IPO11: variants seen among roughly 807,000 people sequenced by gnomAD.
IPO11 encodes the protein importin-11.
A neutral mutation model predicts 143.2 loss-of-function variants in IPO11; 66 were observed. The observed-to-expected ratio is 0.46, with a 90% CI of 0.38 to 0.57. IPO11 has a LOEUF of 0.57. Among genes scored for constraint, IPO11 ranks in the 20% least tolerant of loss-of-function variants. The probability of loss-of-function intolerance (pLI) is 0.00; values close to 1 mark genes in which losing one functional copy is unlikely to be tolerated. For synonymous variants in IPO11, 385 were observed against 377.8 expected (o/e 1.02, Z -0.22); for missense variants, 1,026 against 1,141.0 (o/e 0.90, Z 1.45).
chr5:62,413,313 G>T (rs1743181661), intron 1 of IPO11: 1 of 152,212 alleles, frequency 6.6e-6, no homozygotes, highest in South Asian at 2.1e-4. Context: ...AGACCGTTGT[G>T]CATTGTTACT....
intron 16 of IPO11, among the ~76,000 whole-genome samples, chr5:62,498,715 C>T (rs1043664056): frequency 3.3e-5 from 5 of 152,086 alleles, no homozygotes; most frequent in Non-Finnish European, 7.4e-5. Context: ...ACTAAAGATA[C>T]AAAAATTAGC....
intron 26 of IPO11, among the ~76,000 whole-genome samples, chr5:62,556,090 T>G (rs372289880): frequency 6.6e-6 from 1 of 152,202 alleles, no homozygotes; most frequent in Non-Finnish European, 1.5e-5. Context: ...ACATTGATAT[T>G]TTTCTTTGGG....
At position 62,503,952 on chromosome 5, in the gene IPO11, T is replaced by C. The variant is rs368646972; in HGVS notation, c.1591-715T>C. 1.7e-4 allele frequency among the ~76,000 whole-genome samples: 26 copies of C among 152,318 alleles called. No homozygotes were observed. In the East Asian group the frequency reaches 4.8e-3, roughly 28 times the overall value. ...AGATATATTATCTCACAGATTGAAATATAGAATTTAGTCATGTCTTGAGCT... is the reference window on the plus strand; with the variant it reads ...AGATATATTATCTCACAGATTGAAACATAGAATTTAGTCATGTCTTGAGCT... On this transcript the variant is annotated intron_variant, in intron 16 of 29. Transcript: ENST00000325324.
rs1745257014 is a variant in IPO11 at position 62,458,832 on chromosome 5, C to T, written c.516+6899C>T. ...TGAACAGAAGAGATTTTGAATATAGCATGGTGCGTACTCTTCCTGTATTGA... is the reference window on the plus strand; with the variant it reads ...TGAACAGAAGAGATTTTGAATATAGTATGGTGCGTACTCTTCCTGTATTGA... On this transcript the variant is annotated intron_variant, in intron 5 of 29. Transcript: ENST00000325324. Among the ~76,000 whole-genome samples the T allele has an allele frequency of 2.6e-5, 4 of 152,294 alleles. No individual in the cohort carries two copies. In the South Asian group the frequency reaches 8.3e-4, roughly 32 times the overall value.
chr5:62,548,004 A>G (rs934061608), intron 24 of IPO11, among the ~76,000 whole-genome samples: 5 of 151,370 alleles, frequency 3.3e-5, no homozygotes, highest in Non-Finnish European at 7.4e-5. Flanking sequence ...TTTTGTATCT[A>G]TGTTCAGATC....
chr5:62,542,548 T>C (rs900671895), intron 24 of IPO11, among the ~76,000 whole-genome samples: 9 of 152,118 alleles, frequency 5.9e-5, no homozygotes, highest in Non-Finnish European at 1.2e-4. Flanking sequence ...TTAAATATAT[T>C]TTTTACTAAA....
intron 28 of IPO11, among the ~76,000 whole-genome samples, chr5:62,592,544 T>G (rs542379391): frequency 3.0e-4 from 45 of 152,188 alleles, no homozygotes; most frequent in Non-Finnish European, 5.3e-4. Flanking sequence ...TTTTTCTTTT[T>G]AAGTTAATGT....
At chr5:62,590,358 G>GT (rs781757219) in intron 27 of IPO11, among the ~76,000 whole-genome samples, 5 of 152,100 alleles carry the variant, frequency 3.3e-5, no homozygotes, top group Non-Finnish European at 7.4e-5. Context: ...GATGATATAA[G>GT]CAGATAAATA....
chr5:62,536,915 C>T (rs1199583525), intron 23 of IPO11, 134 bp downstream of exon 23: 2 of 1,036,164 alleles, frequency 1.9e-6, no homozygotes, highest in Non-Finnish European at 1.3e-6. Context: ...TGACTGTGAG[C>T]ATTTCCCATT....
At chr5:62,472,200 A>G (rs1188750316) in intron 7 of IPO11, among the ~76,000 whole-genome samples, 1 of 152,200 alleles carries the variant, frequency 6.6e-6, no homozygotes, top group Non-Finnish European at 1.5e-5. Context: ...TAATGAATAA[A>G]TCCTTTATGG....
intron 2 of IPO11, among the ~76,000 whole-genome samples, chr5:62,440,344 G>A (rs1398618057): frequency 2.7e-5 from 4 of 146,018 alleles, no homozygotes; most frequent in South Asian, 2.2e-4. Context: ...TATAGTGTAC[G>A]TCCCCTTTTT....
At position 62,561,116 on chromosome 5, in the gene IPO11, G is replaced by C. The variant is rs1349814495; in HGVS notation, c.2461-20G>C. On this transcript the variant is annotated intron_variant, in intron 26 of 29. Transcript: ENST00000325324. ...AAACATATTTTAGGTATTTTGAGAT[G>C]CCTCCTCCTCTTGTTTCAGATGGAC... 2 of 1,588,764 alleles carry C rather than the reference G, an allele frequency of 1.3e-6. No homozygotes were observed. Among genetic ancestry groups the C allele is most frequent in the Non-Finnish European group, 1.7e-6 (2 of 1,169,254 alleles).
At chr5:62,576,841 GCT>G (rs1244950948) in intron 27 of IPO11, among the ~76,000 whole-genome samples, 1 of 152,198 alleles carries the variant, frequency 6.6e-6, no homozygotes, top group Non-Finnish European at 1.5e-5. Flanking sequence ...TGGAACAATT[GCT>G]CTGTTATTTA....
chr5:62,459,865 A>G (rs532790834), intron 5 of IPO11, among the ~76,000 whole-genome samples: 3 of 152,334 alleles, frequency 2.0e-5, no homozygotes, highest in Admixed American at 6.5e-5. Context: ...AGCCTTATTA[A>G]CAAAAAAACG....
At chr5:62,425,900 T>A (rs184397526) in intron 1 of IPO11, among the ~76,000 whole-genome samples, 1 of 152,244 alleles carries the variant, frequency 6.6e-6, no homozygotes, top group Admixed American at 6.5e-5. Flanking sequence ...TTTTAAACTA[T>A]CGTCTTTATA....
At chr5:62,554,219 T>C (rs1394954123) in intron 26 of IPO11, among the ~76,000 whole-genome samples, 2 of 152,256 alleles carry the variant, frequency 1.3e-5, no homozygotes, top group Non-Finnish European at 2.9e-5. Context: ...TCTCCCACCC[T>C]GTGGGATGTT....
chr5:62,507,763 A>C (rs920501520), intron 19 of IPO11, among the ~76,000 whole-genome samples: 11 of 152,164 alleles, frequency 7.2e-5, no homozygotes, highest in African/African-American at 2.7e-4. Flanking sequence ...TGTCTCCCCA[A>C]ACTTGGAATT....
chr5:62,589,275 T>C (rs1407174109), intron 27 of IPO11, among the ~76,000 whole-genome samples: 1 of 152,180 alleles, frequency 6.6e-6, no homozygotes, highest in Non-Finnish European at 1.5e-5. Flanking sequence ...GAATTGTCAC[T>C]CCCCTTCCTC....
chr5:62,420,548 G>T (rs2112095433), intron 1 of IPO11, among the ~76,000 whole-genome samples: 1 of 151,484 alleles, frequency 6.6e-6, no homozygotes, highest in Middle Eastern at 3.4e-3. Flanking sequence ...CGGGATCACT[G>T]TCGTATATAT....
Sources: gnomAD v4.1 joint callset for allele counts (sites outside exome capture counted in the v4.1 genomes callset) on GRCh38, gnomAD v4.1.1 for gene constraint, MANE v1.5 for transcripts, NCBI Gene and HGNC (gene_info 2026-07-23, HGNC 2026-07-21) for gene names.